The following CDH18 variants were observed in gnomAD, a reference collection of about 807,000 sequenced individuals.
CDH18 encodes the protein cadherin-18.
Under a neutral mutation model 67.9 loss-of-function variants are expected in CDH18, and 31 were observed. The ratio of observed to expected loss-of-function variants is 0.46; its 90% CI spans 0.34 to 0.62. The LOEUF (loss-of-function observed/expected upper bound fraction) is 0.62. Ranked by LOEUF, CDH18 falls within the 20% of genes least tolerant of loss-of-function variation. The probability of loss-of-function intolerance (pLI) is 0.01; values close to 1 mark genes in which losing one functional copy is unlikely to be tolerated. For missense variants in CDH18, 890 were observed against 975.5 expected, an observed-to-expected ratio of 0.91 and a Z score of 1.17; for synonymous variants, 362 against 347.2, an observed-to-expected ratio of 1.04 and a Z score of -0.48.
intron 2 of CDH18, among the ~76,000 whole-genome samples, chr5:19,879,949 T>C (rs1432081653): frequency 6.6e-6 from 1 of 152,000 alleles, no homozygotes; most frequent in South Asian, 2.1e-4. Context: ...TCCTGTTGTG[T>C]CCTACCAGGC....
chr5:20,441,225 A>G (rs1290331692), intron 1 of CDH18, among the ~76,000 whole-genome samples: 2 of 152,128 alleles, frequency 1.3e-5, no homozygotes, highest in East Asian at 3.9e-4. Flanking sequence ...TGATAAGTTT[A>G]AAAGCAGTTA....
chr5:19,765,083 T>C (rs1288518961), intron 3 of CDH18, among the ~76,000 whole-genome samples: 1 of 152,226 alleles, frequency 6.6e-6, no homozygotes, highest in Non-Finnish European at 1.5e-5. Context: ...GTCATTTCTA[T>C]ACCTTTATTC....
Position 20,047,741 on chromosome 5 carries a change from C to T in CDH18, c.-517-55727G>A, listed in dbSNP as rs980802474. On this transcript the variant is annotated intron_variant, in intron 2 of 14. Coordinates refer to the CDH18 transcript ENST00000507958. ...CAGAAAATAAATATTTACTGTCAAC[C>T]TTACAGATGTGAAAAGTCCTGTTTC... 4.1e-4 allele frequency among the ~76,000 whole-genome samples: 63 copies of T among 151,816 alleles called. 1 individual carries two copies. The highest frequency in any genetic ancestry group is 1.4e-3 in the African/African-American group (57 of 41,512).
At chr5:19,914,039 G>A (rs576376909) in intron 2 of CDH18, among the ~76,000 whole-genome samples, 15 of 152,194 alleles carry the variant, frequency 9.9e-5, no homozygotes, top group Admixed American at 9.8e-4. Flanking sequence ...TAGTGTGCTT[G>A]TATTGAGGTT....
Position 19,520,681 on chromosome 5 carries a change from T to C in CDH18, c.1488A>G (p.Val496=). The C allele has an allele frequency of 5.6e-6, 9 of 1,612,306 alleles. No homozygotes were observed. Among genetic ancestry groups the C allele is most frequent in the Non-Finnish European group, 6.8e-6 (8 of 1,179,246 alleles). ...PELAREYDII[V]CENSKPGQVI... ...CCTGGCCAGGCTTAGAATTTTCACA[T>C]ACAATAATATCATATTCCCTGGCAA... is the stretch of plus-strand genomic sequence containing the variant. Residue 496 remains valine (V), a synonymous_variant, in exon 10 of 13, where the codon GTA becomes GTG. Coordinates refer to ENST00000382275, the MANE Select transcript of CDH18 (RefSeq NM_004934.5).
In CDH18 at chr5:20,110,317, GA is replaced by G. The variant is rs1040137495; in HGVS notation, c.-517-118304del. 3.9e-5 allele frequency among the ~76,000 whole-genome samples: 6 copies of G among 152,286 alleles called. No homozygotes were observed. In the South Asian group the frequency reaches 1.2e-3, roughly 32 times the overall value. On this transcript the variant is annotated intron_variant, in intron 2 of 14. Coordinates refer to the CDH18 transcript ENST00000507958. The stretch of plus-strand genomic sequence containing the variant: ...ACTTAGCAAAATCTACTAAACAGTA[GA>G]AACATATGTTTTTGGCCATCTGGCT...
At chr5:20,223,186 C>T (rs888682623) in intron 2 of CDH18, among the ~76,000 whole-genome samples, 6 of 152,006 alleles carry the variant, frequency 3.9e-5, no homozygotes, top group Admixed American at 2.0e-4. Flanking sequence ...TGCCCAAGGC[C>T]GTGGAAACCC....
chr5:19,633,267 C>T (rs1313648302), intron 5 of CDH18, among the ~76,000 whole-genome samples: 1 of 152,080 alleles, frequency 6.6e-6, no homozygotes, highest in African/African-American at 2.4e-5. Context: ...CTTATTTCTC[C>T]CAATTGCATT....
intron 2 of CDH18, among the ~76,000 whole-genome samples, chr5:20,157,587 C>T (rs1325459811): frequency 2.0e-5 from 3 of 151,192 alleles, no homozygotes; most frequent in Non-Finnish European, 4.4e-5. Context: ...TGTAGTTATC[C>T]TATCACACAA....
chr5:19,822,308 G>A (rs189197646), intron 3 of CDH18, among the ~76,000 whole-genome samples: 47 of 152,240 alleles, frequency 3.1e-4, no homozygotes, highest in East Asian at 5.8e-4. Context: ...AAGAGGAGGC[G>A]TTGTTATTCT....
chr5:19,925,003 A>C (rs1792934400), intron 2 of CDH18, among the ~76,000 whole-genome samples: 1 of 152,218 alleles, frequency 6.6e-6, no homozygotes, highest in Non-Finnish European at 1.5e-5. Flanking sequence ...CCAGAAACTT[A>C]GCAACTGACA....
intron 2 of CDH18, among the ~76,000 whole-genome samples, chr5:19,898,616 A>C (rs2150105674): frequency 9.3e-6 from 1 of 107,210 alleles, no homozygotes; most frequent in South Asian, 3.2e-4. Flanking sequence ...ATGAATTCTT[A>C]ATTATATATG....
At chr5:19,876,113 G>A (rs1786968320) in intron 2 of CDH18, among the ~76,000 whole-genome samples, 1 of 152,076 alleles carries the variant, frequency 6.6e-6, no homozygotes, top group Non-Finnish European at 1.5e-5. Context: ...CTACATTCAG[G>A]TGTGGTCCAT....
intron 1 of CDH18, among the ~76,000 whole-genome samples, chr5:20,483,795 C>T (rs1390003216): frequency 6.6e-6 from 1 of 151,860 alleles, no homozygotes; most frequent in African/African-American, 2.4e-5. Context: ...GGATTAAAAA[C>T]ACTTAAATCT....
chr5:20,347,850 C>G, intron 1 of CDH18, among the ~76,000 whole-genome samples: 1 of 152,146 alleles, frequency 6.6e-6, no homozygotes, highest in East Asian at 1.9e-4. Context: ...CTACAGAAGA[C>G]TTCCTGGCTT....
At chr5:19,503,307 T>C (rs1405364616) in intron 10 of CDH18, among the ~76,000 whole-genome samples, 198 bp from the exon 11 acceptor site, 1 of 152,154 alleles carries the variant, frequency 6.6e-6, no homozygotes, top group African/African-American at 2.4e-5. Context: ...ACACAGTATA[T>C]AATTTCTAAA....
intron 2 of CDH18, among the ~76,000 whole-genome samples, chr5:19,885,460 AG>A (rs1485497781): frequency 3.3e-5 from 5 of 152,234 alleles, no homozygotes; most frequent in African/African-American, 1.2e-4. Flanking sequence ...GTTTTATATT[AG>A]TGTAAAATAC....
At chr5:19,828,716 C>T (rs185852290) in intron 3 of CDH18, among the ~76,000 whole-genome samples, 40 of 152,208 alleles carry the variant, frequency 2.6e-4, no homozygotes, top group African/African-American at 8.4e-4. Context: ...CCTCAACAAA[C>T]GAGGCACTGA....
intron 1 of CDH18, among the ~76,000 whole-genome samples, chr5:20,519,678 C>A (rs1212292362): frequency 7.3e-5 from 11 of 151,234 alleles, no homozygotes; most frequent in African/African-American, 2.7e-4. Context: ...TGCATTTGTC[C>A]TTTGTGAGAT....
Sources: allele counts gnomAD v4.1 joint callset (sites outside exome capture counted in the v4.1 genomes callset), GRCh38; gene constraint gnomAD v4.1.1; transcripts MANE v1.5; gene names NCBI Gene and HGNC (gene_info 2026-07-23, HGNC 2026-07-21).